Variants in VAV2 observed in about 807,000 individuals in gnomAD.
VAV2 encodes the protein guanine nucleotide exchange factor VAV2.
Under a neutral mutation model 132.5 loss-of-function variants are expected in VAV2, and 67 were observed. That is an observed-to-expected ratio of 0.51 (90% CI 0.42 to 0.62). The LOEUF (loss-of-function observed/expected upper bound fraction) is 0.62, where lower values mean the gene tolerates loss of function less well. VAV2 is among the 20% of genes least tolerant of loss of function. The pLI is 0.00. For synonymous variants in VAV2, 492 were observed against 443.5 expected, an observed-to-expected ratio of 1.11 and a Z score of -1.37; for missense variants, 938 against 1,153.6, an observed-to-expected ratio of 0.81 and a Z score of 2.71.
intron 1 of VAV2, among the ~76,000 whole-genome samples, chr9:133,973,413 G>C (rs13292451): frequency 6.6e-6 from 1 of 152,032 alleles, no homozygotes; most frequent in Non-Finnish European, 1.5e-5. Context: ...CATGACCCCC[G>C]GGCAGGACTG....
At chr9:133,972,795 C>T (rs114178065) in intron 1 of VAV2, among the ~76,000 whole-genome samples, 1,785 of 152,246 alleles carry the variant, frequency 0.012, 32 homozygotes, top group African/African-American at 0.04. Context: ...GATGGCCCCA[C>T]TTTACAGATG....
chr9:133,832,070 A>G (rs1174708881), intron 4 of VAV2, among the ~76,000 whole-genome samples: 1 of 152,230 alleles, frequency 6.6e-6, no homozygotes, highest in African/African-American at 2.4e-5. Context: ...GGGTACAGGC[A>G]TCCTACCATG....
intron 1 of VAV2, among the ~76,000 whole-genome samples, chr9:133,987,493 G>T (rs72764881): frequency 6.6e-6 from 1 of 151,300 alleles, no homozygotes; most frequent in African/African-American, 2.5e-5. Flanking sequence ...AGGCCCGGAG[G>T]GGGGGATGCC....
At chr9:133,976,531 G>A (rs1166382000) in intron 1 of VAV2, among the ~76,000 whole-genome samples, 3 of 152,208 alleles carry the variant, frequency 2.0e-5, no homozygotes, top group Non-Finnish European at 2.9e-5. Context: ...ACAAGGGAGA[G>A]GCTATTTATT....
At chr9:133,967,946 A>AC (rs1379580336) in intron 1 of VAV2, among the ~76,000 whole-genome samples, 23 of 151,572 alleles carry the variant, frequency 1.5e-4, no homozygotes, top group Non-Finnish European at 2.4e-4. Flanking sequence ...AAAAAAAAAA[A>AC]AAAAAAAAAA....
chr9:133,797,860 CGG>C, intron 9 of VAV2, 51 bp from the exon 10 acceptor site: 1 of 1,573,008 alleles, frequency 6.4e-7, no homozygotes, highest in South Asian at 1.1e-5. Context: ...ATGAGCAGCT[CGG>C]GGCTGCAGTG....
intron 2 of VAV2, among the ~76,000 whole-genome samples, chr9:133,869,503 G>A (rs62576552): frequency 3.9e-4 from 60 of 152,158 alleles, no homozygotes; most frequent in African/African-American, 1.0e-3. Context: ...CTGGCTACTC[G>A]GGAGGCTGAG....
intron 1 of VAV2, among the ~76,000 whole-genome samples, chr9:133,986,368 T>C (rs547548061): frequency 2.6e-5 from 4 of 152,284 alleles, no homozygotes; most frequent in African/African-American, 9.6e-5. Context: ...AAAGAAAGGC[T>C]GAGGAGCAGC....
At chr9:133,805,387 G>A (rs987945441) in intron 9 of VAV2, among the ~76,000 whole-genome samples, 2 of 152,174 alleles carry the variant, frequency 1.3e-5, no homozygotes, top group Non-Finnish European at 2.9e-5. Context: ...GGATCCCCGA[G>A]GGACAGAGAG....
At chr9:133,855,014 G>A (rs904433401) in intron 3 of VAV2, among the ~76,000 whole-genome samples, 16 of 152,154 alleles carry the variant, frequency 1.1e-4, no homozygotes, top group African/African-American at 3.9e-4. Flanking sequence ...GAATTAAGCA[G>A]GCAACACCAG....
chr9:133,778,784 T>A lies in VAV2; in HGVS notation c.1868A>T (p.Asp623Val). 1 of 1,612,714 alleles carries A rather than the reference T, an allele frequency of 6.2e-7. No homozygotes were observed. Among genetic ancestry groups the A allele is most frequent in the Non-Finnish European group, 8.5e-7 (1 of 1,179,952 alleles). ...TGDVLELLRG[D>V]PESPWWEGRL... ...CACCTCCCACCACGGAGACTCAGGG[T>A]CGCCCCTCAGCAGCTCAAGCACGTC... Residue 623 changes from aspartate (D) to valine (V), a missense_variant, in exon 22 of 30, where the codon GAC becomes GTC. Asp to Val is a radical substitution (Grantham distance 152). Coordinates refer to ENST00000371850, the MANE Select transcript of VAV2 (RefSeq NM_001134398.2).
At chr9:133,792,358 CATGT>C (rs1329247004) in intron 12 of VAV2, among the ~76,000 whole-genome samples, 1 of 67,474 alleles carries the variant, frequency 1.5e-5, no homozygotes, top group Admixed American at 1.5e-4. Context: ...GGGTGGGGTG[CATGT>C]GTGTGTGTGT....
chr9:133,825,686 G>A (rs900235130), intron 4 of VAV2, among the ~76,000 whole-genome samples: 1 of 152,114 alleles, frequency 6.6e-6, no homozygotes, highest in African/African-American at 2.4e-5. Flanking sequence ...GACAACGGCG[G>A]GGAGGGTGGG....
intron 2 of VAV2, among the ~76,000 whole-genome samples, chr9:133,873,107 C>A (rs1020350513): frequency 8.0e-5 from 1 of 12,546 alleles, no homozygotes; most frequent in African/African-American, 4.0e-4. Context: ...AGGGAGGGGG[C>A]GGGGGGGTGG....
intron 2 of VAV2, among the ~76,000 whole-genome samples, chr9:133,893,813 C>T (rs949298923): frequency 2.6e-5 from 4 of 152,172 alleles, no homozygotes; most frequent in African/African-American, 9.7e-5. Flanking sequence ...AGTCCAACTA[C>T]CGCCCCTGAA....
chr9:133,970,998 T>C (rs1842313627), intron 1 of VAV2, among the ~76,000 whole-genome samples: 1 of 152,226 alleles, frequency 6.6e-6, no homozygotes, highest in Admixed American at 6.5e-5. Context: ...TTCTATCTTT[T>C]CCTTTTTGAA....
chr9:133,848,178 G>A (rs1316463936), intron 3 of VAV2, among the ~76,000 whole-genome samples: 1 of 151,310 alleles, frequency 6.6e-6, no homozygotes, highest in Non-Finnish European at 1.5e-5. Context: ...TACTCGGGAG[G>A]CTGAGGCAGG....
At chr9:133,960,411 C>T (rs973079621) in intron 1 of VAV2, among the ~76,000 whole-genome samples, 3 of 152,152 alleles carry the variant, frequency 2.0e-5, no homozygotes, top group African/African-American at 7.2e-5. Flanking sequence ...GCTGGGGGAC[C>T]CCACTGGAGC....
In VAV2 at chr9:133,883,210, C is replaced by G. The variant is rs957935598; in HGVS notation, c.322-21778G>C. 6.6e-6 allele frequency among the ~76,000 whole-genome samples: 1 copy of G among 152,248 alleles called. No homozygotes were observed. Among genetic ancestry groups the G allele is most frequent in the African/African-American group, 2.4e-5 (1 of 41,454 alleles). On this transcript the variant is annotated intron_variant, in intron 2 of 29. Transcript: ENST00000371850. This position sits in a 1 kb window ranked among gnomAD's most constrained non-coding sequence, Gnocchi z 4.2. ...ACACACCACTCCTGGAGCAGATGGG[C>G]CCTTCATCATTTGCTCATTTCACGT...
Sources: allele counts gnomAD v4.1 joint callset (sites outside exome capture counted in the v4.1 genomes callset), GRCh38; gene constraint gnomAD v4.1.1; non-coding constraint Gnocchi (gnomAD v3.1); transcripts MANE v1.5; gene names NCBI Gene and HGNC (gene_info 2026-07-23, HGNC 2026-07-21).